ATP9B: variants seen among roughly 807,000 people sequenced by gnomAD.
The protein encoded by ATP9B is ATPase phospholipid transporting 9B, also known as probable phospholipid-transporting ATPase IIB.
ATP9B carries 110 observed loss-of-function variants against 146.1 expected under a neutral mutation model. The observed-to-expected ratio is 0.75, with a 90% CI of 0.65 to 0.88. The LOEUF (loss-of-function observed/expected upper bound fraction) is 0.88, where lower values mean the gene tolerates loss of function less well. Ranked by LOEUF, ATP9B falls within the 40% of genes least tolerant of loss-of-function variation. The pLI is 0.00. For missense variants in ATP9B, 1,499 were observed against 1,496.4 expected (o/e 1.00, Z -0.03); for synonymous variants, 604 against 569.7 (o/e 1.06, Z -0.86).
At chr18:79,183,366 A>T (rs1055295692) in intron 8 of ATP9B, among the ~76,000 whole-genome samples, 1 of 152,174 alleles carries the variant, frequency 6.6e-6, no homozygotes, top group Non-Finnish European at 1.5e-5. Flanking sequence ...TTAATTAATC[A>T]ATTAATCTTT....
At chr18:79,151,025 G>A (rs2094681254) in intron 6 of ATP9B, among the ~76,000 whole-genome samples, 1 of 152,128 alleles carries the variant, frequency 6.6e-6, no homozygotes, top group Non-Finnish European at 1.5e-5. Flanking sequence ...TCCCTAAATT[G>A]ATCTGTAGAT....
chr18:79,311,690 T>C (rs1453937674), intron 15 of ATP9B, among the ~76,000 whole-genome samples: 1 of 152,090 alleles, frequency 6.6e-6, no homozygotes. Context: ...ACGATGAAAG[T>C]GGTTTTTTTA....
intron 12 of ATP9B, among the ~76,000 whole-genome samples, chr18:79,264,179 A>G (rs191928035): frequency 1.3e-4 from 20 of 152,332 alleles, no homozygotes; most frequent in Admixed American, 1.1e-3. Flanking sequence ...ACTGTTTTTC[A>G]AAGTGTTTGT....
chr18:79,099,268 C>G (rs1435093750), intron 2 of ATP9B, among the ~76,000 whole-genome samples: 1 of 151,916 alleles, frequency 6.6e-6, no homozygotes, highest in Non-Finnish European at 1.5e-5. Flanking sequence ...TGTTGCCAGG[C>G]TGGAGTGCAG....
At chr18:79,376,172 A>AACACACACACACACACACACAC (rs373840231) in intron 29 of ATP9B, 3 of 754,994 alleles carry the variant, frequency 4.0e-6, no homozygotes, top group East Asian at 1.5e-4. Flanking sequence ...CTACCTTAGA[A>AACACACACACACACACACACAC]ACACACACAC....
intron 13 of ATP9B, among the ~76,000 whole-genome samples, chr18:79,288,160 C>G (rs2096463781): frequency 6.6e-6 from 1 of 151,250 alleles, no homozygotes; most frequent in African/African-American, 2.4e-5. Flanking sequence ...GAGTTCAATT[C>G]CTGGGTATCC....
intron 1 of ATP9B, among the ~76,000 whole-genome samples, chr18:79,076,484 T>C (rs1291547625): frequency 6.6e-6 from 1 of 152,158 alleles, no homozygotes; most frequent in Non-Finnish European, 1.5e-5. Context: ...GCCACTTCTT[T>C]CTGGTCTCCG....
In ATP9B at chr18:79,098,318, G is replaced by A. The variant is rs1413410554; in HGVS notation, c.293+1669G>A. 1.1e-4 allele frequency among the ~76,000 whole-genome samples: 17 copies of A among 148,472 alleles called. No individual in the cohort carries two copies. The South Asian group carries it at 2.2e-3, about 19-fold the overall frequency. ...AGGCATTACCATTCAGGACATAGGC[G>A]TGGGCAAGGACTTCATGTCCAAAAC... is the stretch of plus-strand genomic sequence containing the variant. On this transcript the variant is annotated intron_variant, in intron 2 of 29. Coordinates refer to ENST00000426216, the MANE Select transcript of ATP9B (RefSeq NM_198531.5).
At chr18:79,281,454 G>A (rs981628181) in intron 13 of ATP9B, among the ~76,000 whole-genome samples, 1 of 151,854 alleles carries the variant, frequency 6.6e-6, no homozygotes, top group Non-Finnish European at 1.5e-5. Flanking sequence ...GCGAGATCAC[G>A]CCATTGCATG....
chr18:79,232,882 G>A (rs895297901), intron 11 of ATP9B, among the ~76,000 whole-genome samples: 2 of 152,168 alleles, frequency 1.3e-5, no homozygotes, highest in African/African-American at 4.8e-5. Context: ...GCCAAGGAGC[G>A]AATCAGTGAG....
intron 15 of ATP9B, among the ~76,000 whole-genome samples, chr18:79,312,800 C>G (rs1026451801): frequency 6.6e-6 from 1 of 152,150 alleles, no homozygotes; most frequent in Non-Finnish European, 1.5e-5. Context: ...TGGTATTTGC[C>G]TTTTTGGTAC....
At chr18:79,225,854 C>T (rs1008990577) in intron 11 of ATP9B, among the ~76,000 whole-genome samples, 2 of 95,342 alleles carry the variant, frequency 2.1e-5, no homozygotes, top group Admixed American at 1.1e-4. Flanking sequence ...GTCCCGCAGT[C>T]GCAGGGCGGC....
intron 11 of ATP9B, among the ~76,000 whole-genome samples, chr18:79,221,938 A>G (rs553977245): frequency 4.2e-4 from 63 of 150,768 alleles, no homozygotes; most frequent in Middle Eastern, 3.4e-3. Flanking sequence ...TAAAAAAAAA[A>G]AAAGAAAGAA....
chr18:79,241,826 A>G (rs1449456167), intron 11 of ATP9B, among the ~76,000 whole-genome samples: 1 of 152,238 alleles, frequency 6.6e-6, no homozygotes, highest in Non-Finnish European at 1.5e-5. Flanking sequence ...AGAGTTTGAT[A>G]GTCGCCAAAC....
At chr18:79,377,207 T>C (rs376710401) in intron 29 of ATP9B, 40 bp from the exon 30 acceptor site, 1 of 1,606,722 alleles carries the variant, frequency 6.2e-7, no homozygotes, top group South Asian at 1.1e-5. Flanking sequence ...CCAGGACTTC[T>C]TGGTCAGCTC....
At chr18:79,320,836 C>T (rs1349525063) in intron 15 of ATP9B, among the ~76,000 whole-genome samples, 1 of 151,290 alleles carries the variant, frequency 6.6e-6, no homozygotes, top group Non-Finnish European at 1.5e-5. Flanking sequence ...AGCTTACATA[C>T]TAGGAAACCT....
At chr18:79,079,144 T>C (rs1420792684) in intron 1 of ATP9B, among the ~76,000 whole-genome samples, 4 of 152,196 alleles carry the variant, frequency 2.6e-5, no homozygotes, top group Admixed American at 6.5e-5. Context: ...GTCTTTATAG[T>C]AGAATGATTT....
intron 15 of ATP9B, among the ~76,000 whole-genome samples, chr18:79,313,473 T>C (rs2096663540): frequency 6.6e-6 from 1 of 152,216 alleles, no homozygotes; most frequent in Admixed American, 6.5e-5. Flanking sequence ...CATGTGATTA[T>C]GTATTGAAAA....
At chr18:79,086,608 T>C (rs1422486244) in intron 1 of ATP9B, among the ~76,000 whole-genome samples, 1 of 152,062 alleles carries the variant, frequency 6.6e-6, no homozygotes, top group Non-Finnish European at 1.5e-5. Flanking sequence ...TATCCTGAGC[T>C]AATTGGCTAT....
Sources: allele counts gnomAD v4.1 joint callset (sites outside exome capture counted in the v4.1 genomes callset), GRCh38; gene constraint gnomAD v4.1.1; transcripts MANE v1.5; gene names NCBI Gene and HGNC (gene_info 2026-07-23, HGNC 2026-07-21).